The following TBC1D12 variants were observed in gnomAD, a reference collection of about 807,000 sequenced individuals.
TBC1D12 encodes TBC1 domain family, member 12.
In TBC1D12, 56 loss-of-function variants were observed where a neutral mutation model predicts 86.7. The ratio of observed to expected loss-of-function variants is 0.65; its 90% CI spans 0.52 to 0.81. The LOEUF is 0.81. Ranked by LOEUF, TBC1D12 falls within the 30% of genes least tolerant of loss-of-function variation. The pLI, the probability that TBC1D12 is intolerant of heterozygous loss-of-function variation, is 0.00. For missense variants in TBC1D12, 1,023 were observed against 1,038.8 expected (o/e 0.98, Z 0.21); for synonymous variants, 421 against 411.7 (o/e 1.02, Z -0.27).
In TBC1D12 at chr10:94,531,269, A is replaced by G; in HGVS notation, c.2068A>G (p.Arg690Gly). The G allele has an allele frequency of 1.2e-6, 2 of 1,614,106 alleles. No homozygotes were observed. Among genetic ancestry groups the G allele is most frequent in the Non-Finnish European group, 1.7e-6 (2 of 1,179,986 alleles). Residue 690 changes from arginine to glycine, a missense_variant, in exon 12 of 13, where the codon AGA becomes GGA. Around this residue, in one of 2 missense-constraint regions of TBC1D12, gnomAD observed 395 missense variants for 507.7 expected, o/e 0.78. Transcript: ENST00000225235. ...LACRVWDVFC[R>G]DGEEFLFRTG... ...CTGTCGAGTCTGGGATGTATTTTGC[A>G]GAGATGGGGAAGAATTTTTATTTAG...
chr10:94,532,245 T>G (rs1842453067), intron 12 of TBC1D12, among the ~76,000 whole-genome samples: 2 of 152,162 alleles, frequency 1.3e-5, no homozygotes, highest in African/African-American at 4.8e-5. Flanking sequence ...TGGTGTGATC[T>G]TGGCTCACTA....
intron 3 of TBC1D12, among the ~76,000 whole-genome samples, chr10:94,482,231 C>G (rs1002147397): frequency 6.6e-6 from 1 of 152,158 alleles, no homozygotes; most frequent in African/African-American, 2.4e-5. Context: ...TCATTTAGCT[C>G]TCACTTGTGA....
intron 1 of TBC1D12, 58 bp downstream of exon 1, chr10:94,403,642 G>T: frequency 1.4e-6 from 2 of 1,401,294 alleles, no homozygotes; most frequent in South Asian, 3.3e-5. Flanking sequence ...CGGAGCCGGG[G>T]TCTTGGTGGG....
rs1842517744 is a variant in TBC1D12 at position 94,535,039 on chromosome 10, G to A, written c.*1943G>A. 1 of 152,146 alleles carries A rather than the reference G, an allele frequency of 6.6e-6. No individual in the cohort carries two copies. The highest frequency in any genetic ancestry group is 1.5e-5 in the Non-Finnish European group (1 of 68,018). The allele number at this position is 152,146 out of a possible 1,614,324, so 9.4% of individuals were successfully genotyped here. On this transcript the variant is annotated 3_prime_UTR_variant, in exon 13 of 13. Transcript: ENST00000225235. ...TTGGGAGGTCTGAACAGAGTGACCT[G>A]GCTTGATGTATTTCCTGAGCTCTAG...
intron 6 of TBC1D12, 87 bp from the exon 7 acceptor site, chr10:94,507,180 T>G (rs2134200111): frequency 7.6e-7 from 1 of 1,307,886 alleles, no homozygotes. Context: ...AGACCTGACC[T>G]GTAATAGGTA....
chr10:94,445,825 A>G (rs2055453983), intron 2 of TBC1D12, among the ~76,000 whole-genome samples: 1 of 151,744 alleles, frequency 6.6e-6, no homozygotes, highest in South Asian at 2.1e-4. Context: ...GCAGGTGCCT[A>G]TAATTCCAGC....
chr10:94,435,940 C>T (rs930116934), intron 1 of TBC1D12, among the ~76,000 whole-genome samples: 4 of 152,166 alleles, frequency 2.6e-5, no homozygotes, highest in African/African-American at 9.7e-5. Context: ...CCTCGTTGAT[C>T]TGCAGTGCCA....
chr10:94,522,325 T>C lies in TBC1D12; in HGVS notation c.1891-19T>C. On this transcript the variant is annotated intron_variant, in intron 10 of 12. Coordinates refer to ENST00000225235, the MANE Select transcript of TBC1D12 (RefSeq NM_015188.2). ...TAGACTATATACTTTCATAATTTTA[T>C]TGATTTTTTAATCTTTAGATGTTGA... 1 of 1,273,444 alleles carries C rather than the reference T, an allele frequency of 7.9e-7. No homozygotes were observed. The highest frequency in any genetic ancestry group is 1.1e-6 in the Non-Finnish European group (1 of 919,578). The allele number at this position is 1,273,444 out of a possible 1,614,324, so 78.9% of individuals were successfully genotyped here.
intron 1 of TBC1D12, among the ~76,000 whole-genome samples, chr10:94,433,481 T>C (rs1253334449): frequency 6.6e-6 from 1 of 152,130 alleles, no homozygotes; most frequent in African/African-American, 2.4e-5. Context: ...ATTTTAGGTG[T>C]GATTTTAAAA....
At chr10:94,468,944 A>G (rs1411304748) in intron 2 of TBC1D12, among the ~76,000 whole-genome samples, 1 of 152,200 alleles carries the variant, frequency 6.6e-6, no homozygotes, top group East Asian at 1.9e-4. Flanking sequence ...ATCTGACGTG[A>G]ATATTTTACT....
chr10:94,465,645 T>TAAACTTGCCTAA (rs2055795631), intron 2 of TBC1D12, among the ~76,000 whole-genome samples: 1 of 131,226 alleles, frequency 7.6e-6, no homozygotes, highest in South Asian at 2.4e-4. Context: ...GACTCTTGCC[T>TAAACTTGCCTAA]AAAAAAAAAA....
intron 2 of TBC1D12, among the ~76,000 whole-genome samples, chr10:94,452,676 C>T (rs1005927051): frequency 6.6e-6 from 1 of 152,044 alleles, no homozygotes. Flanking sequence ...GTTTATTTAC[C>T]CATTCACCTA....
intron 5 of TBC1D12, among the ~76,000 whole-genome samples, 191 bp from the exon 6 acceptor site, chr10:94,500,029 TC>T (rs1306508980): frequency 6.6e-6 from 1 of 152,222 alleles, no homozygotes; most frequent in Non-Finnish European, 1.5e-5. Context: ...CCCTTTGGGA[TC>T]CTATACATCT....
chr10:94,507,473 G>T, intron 7 of TBC1D12, 126 bp downstream of exon 7: 1 of 879,856 alleles, frequency 1.1e-6, no homozygotes, highest in East Asian at 2.9e-5. Flanking sequence ...AGTAAACAAG[G>T]CTAGAAAAAA....
At chr10:94,418,641 G>C (rs548510531) in intron 1 of TBC1D12, among the ~76,000 whole-genome samples, 1 of 151,644 alleles carries the variant, frequency 6.6e-6, no homozygotes, top group Non-Finnish European at 1.5e-5. Flanking sequence ...GTGCAGTCTC[G>C]GCTCACTGCA....
chr10:94,430,769 TTTCTC>T (rs1288562681), intron 1 of TBC1D12, among the ~76,000 whole-genome samples: 3 of 152,196 alleles, frequency 2.0e-5, no homozygotes, highest in African/African-American at 7.2e-5. Context: ...TTTCCCCTCT[TTTCTC>T]TTCTAATCCC....
chr10:94,455,109 T>G (rs2055608539), intron 2 of TBC1D12, among the ~76,000 whole-genome samples: 1 of 152,212 alleles, frequency 6.6e-6, no homozygotes, highest in Admixed American at 6.5e-5. Flanking sequence ...TGTTGTCAAA[T>G]GCTTTTCCAA....
chr10:94,422,728 T>G (rs1452685577), intron 1 of TBC1D12, among the ~76,000 whole-genome samples: 1 of 152,020 alleles, frequency 6.6e-6, no homozygotes, highest in African/African-American at 2.4e-5. Context: ...GTACCGTGCT[T>G]GGCTATTTTC....
intron 2 of TBC1D12, among the ~76,000 whole-genome samples, chr10:94,449,512 G>C: frequency 6.6e-6 from 1 of 152,158 alleles, no homozygotes; most frequent in Admixed American, 6.5e-5. Context: ...GGTTTCCTCA[G>C]CTCTTAGATC....
Sources: allele counts gnomAD v4.1 joint callset (sites outside exome capture counted in the v4.1 genomes callset), GRCh38; gene constraint gnomAD v4.1.1; regional missense constraint gnomAD v4.1.1; transcripts MANE v1.5; gene names NCBI Gene and HGNC (gene_info 2026-07-23, HGNC 2026-07-21).